Variants in LTBP2 observed in about 807,000 individuals in gnomAD.
LTBP2 encodes the protein latent transforming growth factor beta binding protein 2, also known as latent-transforming growth factor beta-binding protein 2.
In LTBP2, 103 loss-of-function variants were observed where a neutral mutation model predicts 210.6. That is an observed-to-expected ratio of 0.49 (90% confidence interval 0.42 to 0.58). LTBP2 has a LOEUF of 0.58. Among genes scored for constraint, LTBP2 ranks in the 20% least tolerant of loss-of-function variants. The pLI, the probability that LTBP2 is intolerant of heterozygous loss-of-function variation, is 0.00. For synonymous variants in LTBP2, 1,007 were observed against 1,015.0 expected (o/e 0.99, Z 0.15); for missense variants, 2,313 against 2,494.5 (o/e 0.93, Z 1.55).
chr14:74,513,702 C>T (rs1026508215), intron 18 of LTBP2, among the ~76,000 whole-genome samples: 3 of 152,232 alleles, frequency 2.0e-5, no homozygotes, highest in Admixed American at 2.0e-4. Flanking sequence ...ACTCGGGAGG[C>T]TGAGGCAGGA....
At chr14:74,575,201 C>T (rs1177439344) in intron 3 of LTBP2, among the ~76,000 whole-genome samples, 1 of 152,228 alleles carries the variant, frequency 6.6e-6, no homozygotes, top group Non-Finnish European at 1.5e-5. Context: ...CCTGTACCCC[C>T]TAAGGCCAGC....
intron 3 of LTBP2, among the ~76,000 whole-genome samples, chr14:74,557,120 G>C (rs968504916): frequency 7.9e-5 from 12 of 152,194 alleles, no homozygotes; most frequent in South Asian, 2.1e-4. Context: ...AAATTAGCTG[G>C]GTGTGGTGGT....
At chr14:74,608,258 G>A (rs1009220171) in intron 1 of LTBP2, among the ~76,000 whole-genome samples, 1 of 152,158 alleles carries the variant, frequency 6.6e-6, no homozygotes, top group Non-Finnish European at 1.5e-5. Flanking sequence ...ATACCTTTTA[G>A]TGCATTTATA....
At chr14:74,597,750 G>A (rs1450662557) in intron 2 of LTBP2, among the ~76,000 whole-genome samples, 1 of 152,146 alleles carries the variant, frequency 6.6e-6, no homozygotes, top group Non-Finnish European at 1.5e-5. Context: ...GGGTTCCACT[G>A]AGGTCATATA....
chr14:74,545,706 A>T (rs146060061), intron 8 of LTBP2, among the ~76,000 whole-genome samples: 1 of 152,250 alleles, frequency 6.6e-6, no homozygotes, highest in Non-Finnish European at 1.5e-5. Context: ...TGTGGCCTCA[A>T]TCAAAGTGGC....
rs1394883681 is a variant in LTBP2 at position 74,521,983 on chromosome 14, C to T, written c.2716G>A (p.Val906Met). 9 of 1,614,022 alleles carry T rather than the reference C, an allele frequency of 5.6e-6. No homozygotes were observed. The highest frequency in any genetic ancestry group is 4.5e-5 in the East Asian group (2 of 44,892). ...CKGKGRCINR[V>M]GSYSCFCYPG... ...TAGCAGAAGCAGGAGTAGGACCCCA[C>T]GCGGTTGATGCAGCGCCCTTTTCCC... is the stretch of plus-strand genomic sequence containing the variant. The change falls in exon 17 of 36, where the codon GTG (valine) becomes ATG (methionine). Residue 906 changes from valine (V) to methionine (M), a missense_variant. By Grantham distance (21) the Val-to-Met change is conservative. This residue lies in a region of LTBP2 where 1,867 missense variants were observed against 1,976.9 expected (regional missense o/e 0.94). Transcript: ENST00000261978.
intron 3 of LTBP2, among the ~76,000 whole-genome samples, chr14:74,567,868 G>C (rs540948437): frequency 6.6e-6 from 1 of 152,136 alleles, no homozygotes; most frequent in African/African-American, 2.4e-5. Context: ...CCCAGGGCCC[G>C]CAGGCAGTCT....
chr14:74,529,149 G>A, intron 10 of LTBP2, 27 bp from the exon 11 acceptor site: 1 of 1,551,022 alleles, frequency 6.4e-7, no homozygotes, highest in Non-Finnish European at 8.7e-7. Context: ...ACGTGGAGGT[G>A]GGCAGGTGGC....
intron 8 of LTBP2, among the ~76,000 whole-genome samples, chr14:74,546,515 G>A (rs181312770): frequency 6.6e-6 from 1 of 152,316 alleles, no homozygotes; most frequent in East Asian, 1.9e-4. Flanking sequence ...ATGTTGCCCT[G>A]GTCTTTGTTA....
chr14:74,555,320 C>T (rs778428677), intron 4 of LTBP2, among the ~76,000 whole-genome samples, 183 bp downstream of exon 4: 4 of 152,062 alleles, frequency 2.6e-5, no homozygotes, highest in Non-Finnish European at 4.4e-5. Context: ...CCAGGTCCAC[C>T]GGTTTAGGAC....
intron 34 of LTBP2, 90 bp from the exon 35 acceptor site, chr14:74,501,680 G>A: frequency 1.3e-6 from 2 of 1,554,322 alleles, no homozygotes; most frequent in Non-Finnish European, 1.8e-6. Context: ...TGGACAAAGG[G>A]TGCCCCTGTG....
At chr14:74,522,130 G>GT in intron 16 of LTBP2, 91 bp from the exon 17 acceptor site, 1 of 1,437,826 alleles carries the variant, frequency 7.0e-7, no homozygotes, top group Non-Finnish European at 9.6e-7. Context: ...CTAGGGGCTG[G>GT]GCAGGGGATG....
At chr14:74,587,693 C>T (rs190821203) in intron 2 of LTBP2, among the ~76,000 whole-genome samples, 2 of 152,184 alleles carry the variant, frequency 1.3e-5, no homozygotes, top group Non-Finnish European at 2.9e-5. Flanking sequence ...CTCAGGGATC[C>T]TAAGGGCACC....
chr14:74,522,065 G>A (rs770044650), intron 16 of LTBP2, 26 bp from the exon 17 acceptor site: 2 of 1,605,738 alleles, frequency 1.2e-6, no homozygotes, highest in South Asian at 2.2e-5. Context: ...CAGGGAGGGA[G>A]GTCAGGGGGG....
intron 17 of LTBP2, 125 bp downstream of exon 17, chr14:74,521,786 T>G: frequency 7.6e-7 from 1 of 1,318,142 alleles, no homozygotes; most frequent in Non-Finnish European, 1.1e-6. Flanking sequence ...TCTCTCCTCC[T>G]TCACTCCTTC....
Position 74,549,919 on chromosome 14 carries a change from C to T in LTBP2, c.1733G>A (p.Gly578Asp). 2 of 1,614,154 alleles carry T rather than the reference C, an allele frequency of 1.2e-6. No individual in the cohort carries two copies. The highest frequency in any genetic ancestry group is 1.7e-6 in the Non-Finnish European group (2 of 1,180,004). The part of the protein sequence containing the change: ...LELTTQEDCC[G>D]SVGAFWGVTL... ...CACCCCCCAGAAGGCTCCCACACTGCCACAGCAGTCCTCCTGGGTAGTCAG... is the reference window on the plus strand; with the variant it reads ...CACCCCCCAGAAGGCTCCCACACTGTCACAGCAGTCCTCCTGGGTAGTCAG... Residue 578 changes from glycine (G) to aspartate (D), a missense_variant, in exon 8 of 36, where the codon GGC becomes GAC. Physicochemically the swap from Gly to Asp is moderately conservative, Grantham distance 94. Around this residue, in one of 3 missense-constraint regions of LTBP2, gnomAD observed 1,867 missense variants for 1,976.9 expected, o/e 0.94. Coordinates refer to ENST00000261978, the MANE Select transcript of LTBP2 (RefSeq NM_000428.3).
At chr14:74,609,179 G>A (rs1177922198) in intron 1 of LTBP2, among the ~76,000 whole-genome samples, 1 of 152,180 alleles carries the variant, frequency 6.6e-6, no homozygotes, top group African/African-American at 2.4e-5. Context: ...GAATAAACAA[G>A]ATGACCCCTC....
chr14:74,607,961 C>T (rs1019458434), intron 1 of LTBP2, among the ~76,000 whole-genome samples: 7 of 151,228 alleles, frequency 4.6e-5, no homozygotes, highest in South Asian at 2.1e-4. Context: ...TCGCCCAGGC[C>T]GGACTGCGGA....
At chr14:74,595,666 G>C (rs2088350078) in intron 2 of LTBP2, among the ~76,000 whole-genome samples, 1 of 152,198 alleles carries the variant, frequency 6.6e-6, no homozygotes, top group Admixed American at 6.5e-5. Flanking sequence ...ACAAATCAGA[G>C]AGGCCAGGGC....
Sources: allele counts gnomAD v4.1 joint callset (sites outside exome capture counted in the v4.1 genomes callset), GRCh38; gene constraint gnomAD v4.1.1; regional missense constraint gnomAD v4.1.1; transcripts MANE v1.5; gene names NCBI Gene and HGNC (gene_info 2026-07-23, HGNC 2026-07-21).